Variants in NRG4 observed in about 807,000 individuals in gnomAD.
NRG4 encodes the protein neuregulin 4, also known as pro-neuregulin-4, membrane-bound isoform.
A neutral mutation model predicts 15.0 loss-of-function variants in NRG4; 10 were observed. The observed-to-expected ratio is 0.67, with a 90% confidence interval of 0.41 to 1.13. The LOEUF (loss-of-function observed/expected upper bound fraction) is 1.13. Among genes scored for constraint, NRG4 ranks in the 50% most tolerant of loss-of-function variants. The pLI, the probability that NRG4 is intolerant of heterozygous loss-of-function variation, is 0.00. For synonymous variants in NRG4, 41 were observed against 50.1 expected, an observed-to-expected ratio of 0.82 and a Z score of 0.77; for missense variants, 139 against 140.2, an observed-to-expected ratio of 0.99 and a Z score of 0.04.
chr15:76,000,276 T>C (rs1412031730), intron 3 of NRG4, among the ~76,000 whole-genome samples: 2 of 152,176 alleles, frequency 1.3e-5, no homozygotes, highest in East Asian at 3.9e-4. Flanking sequence ...AACAACTGCA[T>C]GGAAAACTAA....
chr15:76,034,820 C>G (rs907431772), intron 5 of NRG4, among the ~76,000 whole-genome samples: 2 of 152,144 alleles, frequency 1.3e-5, no homozygotes, highest in African/African-American at 4.8e-5. Flanking sequence ...CAGAATACTT[C>G]TATGGCGAAC....
At chr15:75,954,427 ATT>A (rs2032103881) in intron 5 of NRG4, among the ~76,000 whole-genome samples, 2 of 94,460 alleles carry the variant, frequency 2.1e-5, no homozygotes, top group African/African-American at 8.0e-5. Flanking sequence ...ATCAATTTCA[ATT>A]TCTTTTTTTT....
chr15:76,044,337 T>G (rs1053710238), intron 4 of NRG4, among the ~76,000 whole-genome samples: 7 of 149,948 alleles, frequency 4.7e-5, no homozygotes, highest in Non-Finnish European at 8.9e-5. Context: ...GCCAAGAACA[T>G]ACTTGGGGAA....
rs1242128998 is a variant in NRG4, at chr15:75,943,308, T to A, written c.*330A>T. 2 of 260,230 alleles carry A rather than the reference T, an allele frequency of 7.7e-6. No homozygotes were observed. The highest frequency in any genetic ancestry group is 5.4e-5 in the Admixed American group (1 of 18,488). 16.1% of individuals were successfully genotyped at this position (260,230 alleles called of 1,614,324 possible). On this transcript the variant is annotated 3_prime_UTR_variant, in exon 6 of 6. Transcript: ENST00000394907. ...GGTTTTCATCCTTTTTCATAAGATCTTCATATATCCCTTAGGGTTTCTCTC... is the reference window on the plus strand; with the variant it reads ...GGTTTTCATCCTTTTTCATAAGATCATCATATATCCCTTAGGGTTTCTCTC...
At chr15:76,021,884 T>C (rs1015930584) in intron 5 of NRG4, among the ~76,000 whole-genome samples, 2 of 152,252 alleles carry the variant, frequency 1.3e-5, no homozygotes, top group African/African-American at 4.8e-5. Flanking sequence ...ACCGGTTTCA[T>C]GGAAGACAAT....
intron 3 of NRG4, among the ~76,000 whole-genome samples, chr15:75,964,331 CTTCT>C (rs57598743): frequency 0.021 from 3,228 of 152,172 alleles, 133 homozygotes; most frequent in African/African-American, 0.074. Flanking sequence ...AAATAAAACC[CTTCT>C]ATCATTCCTG....
intron 2 of NRG4, among the ~76,000 whole-genome samples, chr15:76,055,956 T>C (rs1214959968): frequency 6.6e-6 from 1 of 152,236 alleles, no homozygotes; most frequent in Non-Finnish European, 1.5e-5. Context: ...TAAAATCTGC[T>C]CTAAGTACTA....
chr15:75,980,915 G>A (rs970650920), intron 3 of NRG4, among the ~76,000 whole-genome samples: 1 of 151,838 alleles, frequency 6.6e-6, no homozygotes, highest in Non-Finnish European at 1.5e-5. Flanking sequence ...TAGAAAGAAG[G>A]AATTAATAAA....
chr15:76,023,450 C>G (rs1286582938), intron 5 of NRG4, among the ~76,000 whole-genome samples: 1 of 152,200 alleles, frequency 6.6e-6, no homozygotes, highest in Non-Finnish European at 1.5e-5. Flanking sequence ...ATTGCCACTG[C>G]AAATGCCCAC....
intron 2 of NRG4, among the ~76,000 whole-genome samples, chr15:76,054,560 G>A (rs1028207263): frequency 4.6e-5 from 7 of 152,132 alleles, no homozygotes; most frequent in Non-Finnish European, 7.3e-5. Context: ...GATTACAGGC[G>A]CCCACCACCA....
chr15:76,016,204 A>C (rs968514729), upstream of NRG4, among the ~76,000 whole-genome samples: 4 of 151,956 alleles, frequency 2.6e-5, no homozygotes, highest in Admixed American at 6.6e-5. Flanking sequence ...CCCCTTTATC[A>C]TTTTTTATTG....
intron 3 of NRG4, among the ~76,000 whole-genome samples, chr15:75,999,088 CA>C (rs1234709197): frequency 6.6e-6 from 1 of 152,178 alleles, no homozygotes; most frequent in African/African-American, 2.4e-5. Context: ...AGAATTAATA[CA>C]TATAGAGTTT....
At chr15:76,037,391 G>A (rs2035620391) in intron 4 of NRG4, among the ~76,000 whole-genome samples, 1 of 152,140 alleles carries the variant, frequency 6.6e-6, no homozygotes, top group Non-Finnish European at 1.5e-5. Flanking sequence ...GTGTGCTTGG[G>A]GAGAGTGAGA....
rs1567065883 is a variant in NRG4 at position 75,943,652 on chromosome 15, G to A, written c.334C>T (p.His112Tyr). ...TTGACGTTTCTTCAGTGTTGTTCAT[G>A]ACCTGTGAAAAATAAGTAAGAATTA... is the stretch of plus-strand genomic sequence containing the variant. ...ETSSTSAHHS[H>Y]EQH Residue 112 changes from histidine (H) to tyrosine (Y), a missense_variant and splice_region_variant, in exon 6 of 6, where the codon CAT becomes TAT. Coordinates refer to ENST00000394907, the MANE Select transcript of NRG4 (RefSeq NM_138573.4). 1 of 1,571,340 alleles carries A rather than the reference G, an allele frequency of 6.4e-7. No homozygotes were observed. The highest frequency in any genetic ancestry group is 8.7e-7 in the Non-Finnish European group (1 of 1,143,120).
intron 4 of NRG4, among the ~76,000 whole-genome samples, chr15:76,051,069 G>A (rs988086196): frequency 4.8e-5 from 7 of 146,244 alleles, no homozygotes; most frequent in Non-Finnish European, 9.0e-5. Context: ...GCAGTGGCGG[G>A]ATCTCGGCTC....
Position 76,041,521 on chromosome 15 carries a change from G to A in NRG4, c.-104-5530C>T, listed in dbSNP as rs549773231. On this transcript the variant is annotated intron_variant, in intron 4 of 8. Coordinates refer to the NRG4 transcript ENST00000563910. The stretch of plus-strand genomic sequence containing the variant: ...TTTCATACCAACAGAAACCAAAAAA[G>A]AGGAGTGCTATACTTATATCAGACA... 1.8e-4 allele frequency among the ~76,000 whole-genome samples: 27 copies of A among 152,102 alleles called. 1 individual carries two copies. The South Asian group carries it at 4.8e-3, about 27-fold the overall frequency.
At chr15:75,962,498 G>A (rs181744150) in intron 3 of NRG4, among the ~76,000 whole-genome samples, 4 of 152,156 alleles carry the variant, frequency 2.6e-5, no homozygotes, top group Admixed American at 2.6e-4. Context: ...CTAATCTGGG[G>A]CCTTTGCCAC....
At chr15:75,979,668 A>C (rs538932503) in intron 3 of NRG4, among the ~76,000 whole-genome samples, 2 of 152,136 alleles carry the variant, frequency 1.3e-5, no homozygotes, top group Non-Finnish European at 2.9e-5. Context: ...ACTATGATAC[A>C]TTTTATTTTC....
chr15:75,969,290 T>A, intron 3 of NRG4: 2 of 451,030 alleles, frequency 4.4e-6, no homozygotes, highest in Non-Finnish European at 8.9e-6. Flanking sequence ...GTGGTATTCC[T>A]ACATAGAAAA....
Sources: gnomAD v4.1 joint callset for allele counts (sites outside exome capture counted in the v4.1 genomes callset) on GRCh38, gnomAD v4.1.1 for gene constraint, MANE v1.5 for transcripts, NCBI Gene and HGNC (gene_info 2026-07-23, HGNC 2026-07-21) for gene names.